VWA5A: variants seen among roughly 807,000 people sequenced by gnomAD.
The protein encoded by VWA5A is von Willebrand factor A domain containing 5A, also known as von Willebrand factor A domain-containing protein 5A.
In VWA5A, 77 loss-of-function variants were observed where a neutral mutation model predicts 84.6. The observed-to-expected ratio is 0.91, with a 90% CI of 0.76 to 1.10. The LOEUF is 1.10. Among genes scored for constraint, VWA5A ranks in the 50% least tolerant of loss-of-function variants. The probability of loss-of-function intolerance (pLI) is 0.00; values close to 1 mark genes in which losing one functional copy is unlikely to be tolerated. For missense variants in VWA5A, 973 were observed against 963.0 expected (o/e 1.01, Z -0.14); for synonymous variants, 334 against 350.1 (o/e 0.95, Z 0.51).
intron 14 of VWA5A, 76 bp downstream of exon 14, chr11:124,136,750 TTCCCTCCCTCCCTCCC>T (rs762958600): frequency 1.6e-4 from 126 of 812,198 alleles, no homozygotes; most frequent in South Asian, 2.8e-4. Flanking sequence ...CCTTCCTTCA[TTCCCTCCCTCCCTCCC>T]TCCCTCCCTC....
chr11:124,131,394 T>A (rs962182448), intron 11 of VWA5A, among the ~76,000 whole-genome samples: 1 of 152,060 alleles, frequency 6.6e-6, no homozygotes, highest in African/African-American at 2.4e-5. Context: ...GGAATTTTTT[T>A]ATTTAATATG....
At chr11:124,115,708 C>A (rs1864816678) in intron 1 of VWA5A, 2 of 152,268 alleles carry the variant, frequency 1.3e-5, no homozygotes, top group South Asian at 4.1e-4. Context: ...GGGATTTAGC[C>A]ATCTCCTAAT....
chr11:124,124,155 A>T, intron 10 of VWA5A, 82 bp from the exon 11 acceptor site: 2 of 1,319,896 alleles, frequency 1.5e-6, no homozygotes, highest in South Asian at 2.5e-5. Flanking sequence ...GCAATGAAAT[A>T]GGTGGATTTT....
chr11:124,119,092 AT>A lies in VWA5A; in HGVS notation c.760+7del, dbSNP rs1431130126. ...GGGGATGCCTAACATGAAGCCAGGTATTTTCTTTCTTCCTTTGTAGTCATCC... is the reference window on the plus strand; with the variant it reads ...GGGGATGCCTAACATGAAGCCAGGTATTTCTTTCTTCCTTTGTAGTCATCC... On this transcript the variant is annotated splice_donor_region_variant and intron_variant, in intron 7 of 18. Coordinates refer to ENST00000456829, the MANE Select transcript of VWA5A (RefSeq NM_001130142.2). 6 of 1,612,892 alleles carry A rather than the reference AT, an allele frequency of 3.7e-6. No homozygotes were observed. The highest frequency in any genetic ancestry group is 5.1e-6 in the Non-Finnish European group (6 of 1,179,436).
chr11:124,130,679 A>G (rs1316389742), intron 11 of VWA5A, among the ~76,000 whole-genome samples: 1 of 152,202 alleles, frequency 6.6e-6, no homozygotes, highest in Non-Finnish European at 1.5e-5. Context: ...GGGTGCATAT[A>G]TATTTAGGAT....
rs184709979 is a variant in VWA5A, at chr11:124,121,332, A to C, written c.761-1628A>C. 3.3e-5 allele frequency among the ~76,000 whole-genome samples: 5 copies of C among 152,268 alleles called. No individual in the cohort carries two copies. The East Asian group carries it at 9.6e-4, about 29-fold the overall frequency. ...TGGGTTTAATCTGAGTTGAGCCCTAAACTGAGTTCCTTAAGTACATTATAT... is the reference window on the plus strand; with the variant it reads ...TGGGTTTAATCTGAGTTGAGCCCTACACTGAGTTCCTTAAGTACATTATAT... On this transcript the variant is annotated intron_variant, in intron 7 of 18. Coordinates refer to ENST00000456829, the MANE Select transcript of VWA5A (RefSeq NM_001130142.2).
chr11:124,127,905 G>A lies in VWA5A; in HGVS notation c.1244+3589G>A, dbSNP rs181424278. Among the ~76,000 whole-genome samples, 619 of 152,192 alleles carry A rather than the reference G, an allele frequency of 4.1e-3. 1 individual carries two copies. The highest frequency in any genetic ancestry group is 0.014 in the African/African-American group (584 of 41,530). On this transcript the variant is annotated intron_variant, in intron 11 of 18. Transcript: ENST00000456829. ...ATTTGTAAGTTCTTTGTAGATTCTG[G>A]ACATTAACCCTTTGTAAGATGGATA...
chr11:124,127,264 G>C (rs1402203338), intron 11 of VWA5A, among the ~76,000 whole-genome samples: 2 of 151,948 alleles, frequency 1.3e-5, no homozygotes, highest in South Asian at 4.1e-4. Context: ...AGAACATGCA[G>C]TGTTTGGTTT....
chr11:124,117,997 C>A, intron 4 of VWA5A, 122 bp downstream of exon 4: 1 of 1,343,098 alleles, frequency 7.4e-7, no homozygotes, highest in Non-Finnish European at 1.0e-6. Flanking sequence ...GTTGAAAGCT[C>A]TTTCTTCCAC....
chr11:124,123,780 C>A lies in VWA5A; in HGVS notation c.1140C>A (p.Pro380=). 1 of 1,590,894 alleles carries A rather than the reference C, an allele frequency of 6.3e-7. No homozygotes were observed. The change falls in exon 10 of 19, where the codon CCC becomes CCA. Residue 380 remains proline, a synonymous_variant. Transcript: ENST00000456829. ...LAPLQNIYRG[P]SIPGHPLQLF... is the part of the protein sequence containing the mutation. Reference sequence around the variant, plus strand: ...CACTCCAGAACATTTACAGGGGACCCTCCATCCCAGGCCACCCCCTACAGG... The same window carrying A: ...CACTCCAGAACATTTACAGGGGACCATCCATCCCAGGCCACCCCCTACAGG...
chr11:124,136,262 T>C lies in VWA5A; in HGVS notation c.1493T>C (p.Ile498Thr). 1 of 1,614,156 alleles carries C rather than the reference T, an allele frequency of 6.2e-7. No individual in the cohort carries two copies. Among genetic ancestry groups the C allele is most frequent in the Non-Finnish European group, 8.5e-7 (1 of 1,180,002 alleles). ...GTCATCTTTAGGGGTCAGAGATTAA[T>C]CAGCTATGCCCAGCTGACCGGGAGG... The part of the protein sequence containing the change: ...QTVIFRGQRL[I>T]SYAQLTGRMP... The change falls in exon 13 of 19, where the codon ATC becomes ACC. Residue 498 changes from isoleucine to threonine, a missense_variant. Coordinates refer to ENST00000456829, the MANE Select transcript of VWA5A (RefSeq NM_001130142.2).
chr11:124,136,745 C>CTTCCTTCCTTCG, intron 14 of VWA5A, 71 bp downstream of exon 14: 1 of 1,024,348 alleles, frequency 9.8e-7, no homozygotes, highest in Non-Finnish European at 1.4e-6. Context: ...TCCTTCCTTC[C>CTTCCTTCCTTCG]TTCATTCCCT....
At position 124,121,119 on chromosome 11, in the gene VWA5A, C is replaced by T. The variant is rs147173739; in HGVS notation, c.761-1841C>T. ...AAGCGGCAGCTTGTCTCACTGAAAC[C>T]ATTCAGAGTTCTGCCAAATGAAACC... On this transcript the variant is annotated intron_variant, in intron 7 of 18. Coordinates refer to ENST00000456829, the MANE Select transcript of VWA5A (RefSeq NM_001130142.2). Among the ~76,000 whole-genome samples, 217 of 152,280 alleles carry T rather than the reference C, an allele frequency of 1.4e-3. 4 individuals are homozygous for T. In the Middle Eastern group the frequency reaches 0.031, roughly 21 times the overall value.
intron 11 of VWA5A, among the ~76,000 whole-genome samples, chr11:124,134,459 A>G (rs1444422718): frequency 6.6e-6 from 1 of 152,220 alleles, no homozygotes; most frequent in Non-Finnish European, 1.5e-5. Context: ...CTCTCCATTT[A>G]GAAGTGCAGG....
intron 17 of VWA5A, 26 bp downstream of exon 17, chr11:124,142,598 T>C (rs1860752012): frequency 1.9e-6 from 3 of 1,613,158 alleles, no homozygotes; most frequent in Non-Finnish European, 2.5e-6. Context: ...AAAAGGAGTA[T>C]GTATGTTTTT....
intron 15 of VWA5A, among the ~76,000 whole-genome samples, chr11:124,139,225 T>TTGTG (rs113893702): frequency 0.032 from 4,648 of 147,290 alleles, 179 homozygotes; most frequent in African/African-American, 0.093. Flanking sequence ...AGCATTTTGT[T>TTGTG]TGTGTGTGTG....
At chr11:124,118,730 C>G in intron 6 of VWA5A, 22 bp downstream of exon 6, 2 of 1,604,448 alleles carry the variant, frequency 1.2e-6, no homozygotes, top group Non-Finnish European at 1.7e-6. Context: ...GAGAATACTG[C>G]TATTGTCAGT....
In VWA5A at chr11:124,146,253, G is replaced by T; in HGVS notation, c.*308G>T. The T allele has an allele frequency of 3.8e-6, 1 of 263,366 alleles. No homozygotes were observed. Among genetic ancestry groups the T allele is most frequent in the East Asian group, 1.1e-4 (1 of 9,236 alleles). 16.3% of individuals were successfully genotyped at this position (263,366 alleles called of 1,614,324 possible). A position where few individuals can be genotyped will look rare whatever the true frequency, so the allele number is the denominator to read the frequency against. On this transcript the variant is annotated 3_prime_UTR_variant, in exon 19 of 19. Coordinates refer to ENST00000456829, the MANE Select transcript of VWA5A (RefSeq NM_001130142.2). ...TCCAGGGAAACAACATGAAAAACAG[G>T]TGACATGAACTACAGACTAAAGATT...
chr11:124,141,924 A>G (rs2276051), intron 16 of VWA5A, among the ~76,000 whole-genome samples, 183 bp downstream of exon 16: 68,409 of 152,028 alleles, frequency 0.45, 15,770 homozygotes, highest in East Asian at 0.69. Context: ...CTTACCATGC[A>G]GATGAGGCAG....
Sources: gnomAD v4.1 joint callset for allele counts (sites outside exome capture counted in the v4.1 genomes callset) on GRCh38, gnomAD v4.1.1 for gene constraint, MANE v1.5 for transcripts, NCBI Gene and HGNC (gene_info 2026-07-23, HGNC 2026-07-21) for gene names.